Variants in MBOAT1 observed in about 807,000 individuals in gnomAD.
MBOAT1 encodes the protein membrane bound glycerophospholipid O-acyltransferase 1, also known as membrane-bound glycerophospholipid O-acyltransferase 1.
Under a neutral mutation model 64.4 loss-of-function variants are expected in MBOAT1, and 67 were observed. The observed-to-expected ratio is 1.04, with a 90% CI of 0.85 to 1.27. MBOAT1 has a LOEUF of 1.27. Ranked by LOEUF, MBOAT1 falls within the 50% of genes most tolerant of loss-of-function variation. The probability of loss-of-function intolerance (pLI) is 0.00; values close to 1 mark genes in which losing one functional copy is unlikely to be tolerated. For synonymous variants in MBOAT1, 229 were observed against 218.9 expected, an observed-to-expected ratio of 1.05 and a Z score of -0.41; for missense variants, 563 against 604.6, an observed-to-expected ratio of 0.93 and a Z score of 0.72.
At chr6:20,197,283 C>A (rs917200560) in intron 1 of MBOAT1, among the ~76,000 whole-genome samples, 1 of 152,128 alleles carries the variant, frequency 6.6e-6, no homozygotes, top group African/African-American at 2.4e-5. Context: ...AATCACTAAG[C>A]CAAAGGGAAG....
In MBOAT1 at chr6:20,162,565, T is replaced by G. The variant is rs567799479; in HGVS notation, c.100-9796A>C. Among the ~76,000 whole-genome samples the G allele has an allele frequency of 2.6e-5, 4 of 152,346 alleles. No individual in the cohort carries two copies. The South Asian group carries it at 8.3e-4, about 32-fold the overall frequency. On this transcript the variant is annotated intron_variant, in intron 1 of 12. Transcript: ENST00000324607. ...ATCAGCATTTATTAAACACATATTA[T>G]GTGCTGGAGTCTCCACAAATGTTGG...
chr6:20,132,718 T>C (rs1350156724), intron 4 of MBOAT1, among the ~76,000 whole-genome samples: 1 of 152,228 alleles, frequency 6.6e-6, no homozygotes, highest in Non-Finnish European at 1.5e-5. Flanking sequence ...ATTAAATGAA[T>C]ATCATTAGAA....
At chr6:20,168,104 T>A (rs1418351759) in intron 1 of MBOAT1, among the ~76,000 whole-genome samples, 1 of 152,178 alleles carries the variant, frequency 6.6e-6, no homozygotes, top group African/African-American at 2.4e-5. Context: ...CAGCCCATCT[T>A]CTTTCCCAAA....
chr6:20,122,963 C>T (rs1258143979), intron 8 of MBOAT1, among the ~76,000 whole-genome samples: 2 of 151,960 alleles, frequency 1.3e-5, no homozygotes, highest in African/African-American at 4.8e-5. Context: ...TTCTGAGTAG[C>T]TGAGATTACA....
Position 20,133,935 on chromosome 6 carries a change from A to G in MBOAT1, c.420-2736T>C, listed in dbSNP as rs531370196. Among the ~76,000 whole-genome samples, 4 of 152,246 alleles carry G rather than the reference A, an allele frequency of 2.6e-5. 1 individual carries two copies. The South Asian group carries it at 8.3e-4, about 32-fold the overall frequency. ...ACCATGCCTCCCTCAGGCTGCTCCC[A>G]GCTATGACTGAGTGCAGTAGGGACA... On this transcript the variant is annotated intron_variant, in intron 4 of 12. Coordinates refer to ENST00000324607, the MANE Select transcript of MBOAT1 (RefSeq NM_001080480.3).
chr6:20,112,335 A>C (rs1010131716), intron 11 of MBOAT1, among the ~76,000 whole-genome samples: 1 of 152,068 alleles, frequency 6.6e-6, no homozygotes, highest in Non-Finnish European at 1.5e-5. Flanking sequence ...TAGAGAACCA[A>C]ATTTACAAAA....
rs7738891 is a variant in MBOAT1 at position 20,137,034 on chromosome 6, T to C, written c.420-5835A>G. 7.3e-3 allele frequency among the ~76,000 whole-genome samples: 1,116 copies of C among 152,356 alleles called. 15 individuals carry two copies. The highest frequency in any genetic ancestry group is 0.025 in the African/African-American group (1,055 of 41,578). ...TAGACCATTTAGGATGTTTCTGGTT[T>C]ATCACCATTATTGACAACAGCTGAA... On this transcript the variant is annotated intron_variant, in intron 4 of 12. Transcript: ENST00000324607.
chr6:20,193,166 C>T (rs906927583), intron 1 of MBOAT1, among the ~76,000 whole-genome samples: 1 of 151,636 alleles, frequency 6.6e-6, no homozygotes, highest in South Asian at 2.1e-4. Flanking sequence ...CCACCGCGCC[C>T]GGCTAATTTT....
chr6:20,124,011 C>T (rs570610343), intron 8 of MBOAT1, among the ~76,000 whole-genome samples: 8 of 152,180 alleles, frequency 5.3e-5, no homozygotes, highest in South Asian at 2.1e-4. Context: ...GAGCCAAGAT[C>T]GTGCCACTGC....
chr6:20,168,747 G>A (rs147517624), intron 1 of MBOAT1, among the ~76,000 whole-genome samples: 188 of 88,940 alleles, frequency 2.1e-3, no homozygotes, highest in African/African-American at 4.7e-3. Flanking sequence ...GGGAGGGAGG[G>A]AGGAAGGAAG....
Position 20,195,852 on chromosome 6 carries a change from T to A in MBOAT1, c.99+16284A>T, listed in dbSNP as rs375037117. ...CACGCCTGGAGCTGGCATTTTTCCC[T>A]GGGGTATATACCCATCCAGGTGACC... On this transcript the variant is annotated intron_variant, in intron 1 of 12. Coordinates refer to ENST00000324607, the MANE Select transcript of MBOAT1 (RefSeq NM_001080480.3). Among the ~76,000 whole-genome samples, 23 of 152,250 alleles carry A rather than the reference T, an allele frequency of 1.5e-4. No individual in the cohort carries two copies. In the East Asian group the frequency reaches 4.2e-3, roughly 28 times the overall value.
chr6:20,148,780 G>A (rs186133405), intron 3 of MBOAT1, among the ~76,000 whole-genome samples: 3 of 152,182 alleles, frequency 2.0e-5, no homozygotes, highest in African/African-American at 7.2e-5. Context: ...TTTCCACTTC[G>A]GCAATATTGG....
At chr6:20,102,463 G>A in intron 12 of MBOAT1, 51 bp from the exon 13 acceptor site, 4 of 1,470,792 alleles carry the variant, frequency 2.7e-6, no homozygotes, top group Non-Finnish European at 3.8e-6. Context: ...ATGTAGATGG[G>A]AAACACCACC....
At chr6:20,115,696 C>T (rs549482584) in intron 9 of MBOAT1, among the ~76,000 whole-genome samples, 1 of 152,066 alleles carries the variant, frequency 6.6e-6, no homozygotes, top group African/African-American at 2.4e-5. Flanking sequence ...AAGGGATTTG[C>T]CCCAGGAAAA....
At chr6:20,184,972 G>A (rs1762611323) in intron 1 of MBOAT1, among the ~76,000 whole-genome samples, 1 of 151,110 alleles carries the variant, frequency 6.6e-6, no homozygotes, top group Non-Finnish European at 1.5e-5. Flanking sequence ...CTGTGTAAGG[G>A]CAGGCATAGT....
At chr6:20,177,007 CA>C (rs1308925998) in intron 1 of MBOAT1, among the ~76,000 whole-genome samples, 28 of 152,336 alleles carry the variant, frequency 1.8e-4, no homozygotes, top group Admixed American at 3.3e-4. Context: ...CAGAACTCCA[CA>C]ATTTACACAG....
intron 1 of MBOAT1, 127 bp from the exon 2 acceptor site, chr6:20,152,896 A>G (rs982404886): frequency 6.7e-5 from 67 of 1,000,750 alleles, no homozygotes; most frequent in Non-Finnish European, 8.6e-5. Flanking sequence ...GCAGTGGCGC[A>G]AACTCGGCTC....
At chr6:20,131,844 T>A (rs1012228900) in intron 4 of MBOAT1, among the ~76,000 whole-genome samples, 5 of 152,102 alleles carry the variant, frequency 3.3e-5, no homozygotes, top group African/African-American at 7.2e-5. Flanking sequence ...ACCATCAGCA[T>A]GCCCAGGAGC....
intron 5 of MBOAT1, 98 bp downstream of exon 5, chr6:20,131,046 G>T: frequency 9.6e-7 from 1 of 1,038,904 alleles, no homozygotes; most frequent in Non-Finnish European, 1.5e-6. Context: ...AGATCTGCCA[G>T]CATTTGTCTA....
Sources: gnomAD v4.1 joint callset for allele counts (sites outside exome capture counted in the v4.1 genomes callset) on GRCh38, gnomAD v4.1.1 for gene constraint, MANE v1.5 for transcripts, NCBI Gene and HGNC (gene_info 2026-07-23, HGNC 2026-07-21) for gene names.